ITGB3: variants seen among roughly 807,000 people sequenced by gnomAD.
ITGB3 encodes integrin subunit beta 3.
ITGB3 carries 48 observed loss-of-function variants against 85.8 expected under a neutral mutation model. That is an observed-to-expected ratio of 0.56 (90% CI 0.44 to 0.71). The LOEUF is 0.71. Ranked by LOEUF, ITGB3 falls within the 30% of genes least tolerant of loss-of-function variation. The probability of loss-of-function intolerance (pLI) is 0.00; values close to 1 mark genes in which losing one functional copy is unlikely to be tolerated. For synonymous variants in ITGB3, 363 were observed against 395.6 expected (o/e 0.92, Z 0.98); for missense variants, 861 against 1,019.1 (o/e 0.84, Z 2.11).
Position 47,283,487 on chromosome 17 carries a change from C to CAG in ITGB3, c.299_300insAG (p.Gly101ValfsTer44). 1 of 1,614,226 alleles carries CAG rather than the reference C, an allele frequency of 6.2e-7. No homozygotes were observed. Among genetic ancestry groups the CAG allele is most frequent in the Non-Finnish European group, 8.5e-7 (1 of 1,180,044 alleles). On this transcript the variant is annotated frameshift_variant, in exon 3 of 15. Transcript: ENST00000559488. LOFTEE classifies it high-confidence loss of function. Reference sequence around the variant, plus strand: ...GACAGGCCCCTCAGCGACAAGGGCTCTGGAGACAGCTCCCAGGTCACTCAA... The same window carrying CAG: ...GACAGGCCCCTCAGCGACAAGGGCTCAGTGGAGACAGCTCCCAGGTCACTCAA...
chr17:47,300,399 C>A, intron 11 of ITGB3, 79 bp from the exon 12 acceptor site: 1 of 957,244 alleles, frequency 1.0e-6, no homozygotes, highest in Non-Finnish European at 1.7e-6. Context: ...TTTCTGAATG[C>A]ATGGAGATCA....
intron 2 of ITGB3, 72 bp downstream of exon 2, chr17:47,274,576 G>A: frequency 3.1e-6 from 4 of 1,288,218 alleles, no homozygotes; most frequent in Non-Finnish European, 4.5e-6. Context: ...GACCCATGAA[G>A]TTATCACCTC....
intron 1 of ITGB3, among the ~76,000 whole-genome samples, chr17:47,264,599 C>T (rs1319302322): frequency 1.3e-5 from 2 of 152,204 alleles, no homozygotes; most frequent in Non-Finnish European, 1.5e-5. Context: ...GCCACACTCT[C>T]TACCATGGCC....
At chr17:47,303,251 AAAAAACAAAC>A (rs1473289692) in intron 13 of ITGB3, among the ~76,000 whole-genome samples, 1 of 152,132 alleles carries the variant, frequency 6.6e-6, no homozygotes. Context: ...CTCTGTCTCA[AAAAAACAAAC>A]AAACAACAAC....
At chr17:47,281,478 C>T (rs8073229) in intron 2 of ITGB3, among the ~76,000 whole-genome samples, 17,126 of 152,160 alleles carry the variant, frequency 0.11, 1,226 homozygotes, top group East Asian at 0.24. Flanking sequence ...CACAAAATGA[C>T]GTATCTGAGG....
chr17:47,285,147 G>A (rs1478438825), intron 4 of ITGB3, among the ~76,000 whole-genome samples: 1 of 152,328 alleles, frequency 6.6e-6, no homozygotes, highest in South Asian at 2.1e-4. Context: ...AATGACATTT[G>A]TTGGACACTT....
At chr17:47,304,286 G>A (rs2065178833) in intron 13 of ITGB3, among the ~76,000 whole-genome samples, 1 of 152,138 alleles carries the variant, frequency 6.6e-6, no homozygotes, top group Non-Finnish European at 1.5e-5. Flanking sequence ...GTAGAATGTT[G>A]CAGCTGGGGC....
chr17:47,284,839 G>T, intron 4 of ITGB3, 144 bp downstream of exon 4: 1 of 1,108,560 alleles, frequency 9.0e-7, no homozygotes, highest in Non-Finnish European at 1.3e-6. Context: ...CTCCCTGTTT[G>T]GCAAATGGGC....
rs768187781 is a variant in ITGB3, at chr17:47,302,746, T to C, written c.2040T>C (p.Asn680=). 6.2e-7 allele frequency: 1 copy of C among 1,614,112 alleles called. No homozygotes were observed. The highest frequency in any genetic ancestry group is 1.3e-5 in the African/African-American group (1 of 75,056). The change falls in exon 13 of 15, where the codon AAT becomes AAC. Residue 680 remains asparagine, a synonymous_variant. Coordinates refer to ENST00000559488, the MANE Select transcript of ITGB3 (RefSeq NM_000212.3). ...AGGACACTGGCAAGGATGCAGTGAA[T>C]TGTACCTATAAGAATGAGGATGACT... The part of the protein sequence containing the change: ...ELKDTGKDAV[N]CTYKNEDDCV...
intron 1 of ITGB3, among the ~76,000 whole-genome samples, chr17:47,262,792 T>C (rs1290221112): frequency 1.3e-5 from 2 of 152,034 alleles, no homozygotes; most frequent in African/African-American, 4.8e-5. Context: ...GGCGAGGGGA[T>C]GGGGATTCCT....
intron 1 of ITGB3, among the ~76,000 whole-genome samples, chr17:47,255,033 C>G (rs2064983646): frequency 6.6e-6 from 1 of 152,098 alleles, no homozygotes; most frequent in Non-Finnish European, 1.5e-5. Context: ...GGCTGGAGTG[C>G]AGTGGTGGGT....
intron 13 of ITGB3, among the ~76,000 whole-genome samples, 191 bp downstream of exon 13, chr17:47,303,031 T>G (rs2143138851): frequency 6.6e-6 from 1 of 152,324 alleles, no homozygotes; most frequent in Non-Finnish European, 1.5e-5. Context: ...GTGGATCGTC[T>G]GGGGTCAGGA....
chr17:47,301,657 G>A (rs905419339), intron 12 of ITGB3, among the ~76,000 whole-genome samples: 5 of 152,162 alleles, frequency 3.3e-5, no homozygotes, highest in African/African-American at 1.2e-4. Flanking sequence ...ACAGGGAAAA[G>A]AGTGTGGAAA....
chr17:47,272,724 T>TTTCG (rs963778203), intron 1 of ITGB3, among the ~76,000 whole-genome samples: 9 of 126,496 alleles, frequency 7.1e-5, no homozygotes, highest in Non-Finnish European at 1.0e-4. Flanking sequence ...TCTTTCTTTC[T>TTTCG]TTCGTTCTTT....
intron 1 of ITGB3, among the ~76,000 whole-genome samples, chr17:47,259,641 T>C (rs2065002200): frequency 6.6e-6 from 1 of 152,222 alleles, no homozygotes. Context: ...GGCTCATGCC[T>C]GTAATCCCAG....
In ITGB3 at chr17:47,260,370, C is replaced by T. The variant is rs1231986798; in HGVS notation, c.79+6430C>T. Among the ~76,000 whole-genome samples, 53 of 152,038 alleles carry T rather than the reference C, an allele frequency of 3.5e-4. 1 individual carries two copies. The highest frequency in any genetic ancestry group is 5.9e-5 in the Non-Finnish European group (4 of 68,026). On this transcript the variant is annotated intron_variant, in intron 1 of 14. Transcript: ENST00000559488. ...CCACCTTCAACTGGAACTCCTTTAA[C>T]TAATTAACAATTTGGAGTTCATGTA...
At chr17:47,290,394 G>A (rs1365238933) in intron 8 of ITGB3, 120 bp downstream of exon 8, 18 of 863,294 alleles carry the variant, frequency 2.1e-5, no homozygotes, top group South Asian at 5.3e-5. Flanking sequence ...TGCCTTCTCC[G>A]TGTGCTCCCA....
intron 1 of ITGB3, among the ~76,000 whole-genome samples, chr17:47,256,481 C>A (rs1006210020): frequency 9.9e-4 from 151 of 151,788 alleles, no homozygotes; most frequent in South Asian, 2.1e-3. Flanking sequence ...ATACCCCCCC[C>A]CCCAACCTCA....
At chr17:47,268,097 CACTT>C (rs1422012419) in intron 1 of ITGB3, among the ~76,000 whole-genome samples, 4 of 152,132 alleles carry the variant, frequency 2.6e-5, no homozygotes, top group African/African-American at 9.7e-5. Context: ...CATGAGAGCT[CACTT>C]ACTATCATGA....
Sources: gnomAD v4.1 joint callset for allele counts (sites outside exome capture counted in the v4.1 genomes callset) on GRCh38, gnomAD v4.1.1 for gene constraint, MANE v1.5 for transcripts, NCBI Gene and HGNC (gene_info 2026-07-23, HGNC 2026-07-21) for gene names.